Variants in NME9 observed in about 807,000 individuals in gnomAD.
NME9 encodes the protein NME/NM23 family member 9.
A neutral mutation model predicts 44.4 loss-of-function variants in NME9; 48 were observed. The ratio of observed to expected loss-of-function variants is 1.08; its 90% CI spans 0.86 to 1.37. The LOEUF (loss-of-function observed/expected upper bound fraction) is 1.37. Among genes scored for constraint, NME9 ranks in the 40% most tolerant of loss-of-function variants. The probability of loss-of-function intolerance (pLI) is 0.00; values close to 1 mark genes in which losing one functional copy is unlikely to be tolerated. For missense variants in NME9, 325 were observed against 405.2 expected (o/e 0.80, Z 1.70); for synonymous variants, 139 against 147.1 (o/e 0.94, Z 0.40).
At chr3:138,298,102 G>A (rs1055264046), downstream of NME9, 2 of 152,360 alleles carry the variant, frequency 1.3e-5, no homozygotes, top group East Asian at 3.9e-4. Context: ...TTATGCAGGT[G>A]CAGTGTTCAG....
At chr3:138,273,219 A>C (rs2108307047) in intron 8 of NME9, 2 of 1,197,762 alleles carry the variant, frequency 1.7e-6, no homozygotes, top group Admixed American at 2.5e-5. Context: ...CATGAGTGTG[A>C]TTCAAATGCT....
chr3:138,292,613 G>A (rs1158485831), intron 8 of NME9, among the ~76,000 whole-genome samples: 1 of 152,176 alleles, frequency 6.6e-6, no homozygotes, highest in African/African-American at 2.4e-5. Context: ...GACAGAGGGT[G>A]TTGCCATATA....
At chr3:138,265,347 A>G (rs1466640143) in intron 8 of NME9, among the ~76,000 whole-genome samples, 5 of 152,212 alleles carry the variant, frequency 3.3e-5, no homozygotes, top group African/African-American at 9.6e-5. Context: ...CCCCTGATAC[A>G]CTACAAAACT....
chr3:138,285,241 C>T (rs2050296356), intron 8 of NME9, among the ~76,000 whole-genome samples: 1 of 152,184 alleles, frequency 6.6e-6, no homozygotes, highest in Admixed American at 6.5e-5. Context: ...ATTCTTTAGA[C>T]CTCACCTCTT....
intron 1 of NME9, 146 bp downstream of exon 1, chr3:138,329,157 G>A: frequency 1.4e-6 from 1 of 695,124 alleles, no homozygotes. Context: ...CCTTTAAGAC[G>A]GAAGGGTACA....
At chr3:138,315,679 G>T in intron 4 of NME9, 36 bp from the exon 5 acceptor site, 1 of 1,440,572 alleles carries the variant, frequency 6.9e-7, no homozygotes, top group Non-Finnish European at 9.4e-7. Flanking sequence ...AATACTCTTG[G>T]CAAATATTAA....
intron 8 of NME9, among the ~76,000 whole-genome samples, chr3:138,305,238 G>C (rs1031469049): frequency 9.9e-5 from 15 of 152,128 alleles, no homozygotes; most frequent in African/African-American, 3.6e-4. Context: ...TGGTAGTGAT[G>C]ACCTACCACA....
chr3:138,298,665 C>A (rs911135488), downstream of NME9, among the ~76,000 whole-genome samples: 2 of 152,156 alleles, frequency 1.3e-5, no homozygotes, highest in African/African-American at 2.4e-5. Flanking sequence ...ATGTCCACCC[C>A]CTCCATCCTC....
intron 8 of NME9, chr3:138,274,418 T>C (rs2049080536): frequency 7.0e-7 from 1 of 1,433,304 alleles, no homozygotes. Context: ...TTTGTTTCTT[T>C]GATAATTATG....
chr3:138,322,014 G>A lies in NME9; in HGVS notation c.92-2433C>T, dbSNP rs142020945. ...GGGATTTGGGTTCCACAGCATCCAC[G>A]TAGAGGATAAAGTTCTGGGCTTTTC... On this transcript the variant is annotated intron_variant, in intron 2 of 10. Transcript: ENST00000333911. Among the ~76,000 whole-genome samples, 227 of 152,028 alleles carry A rather than the reference G, an allele frequency of 1.5e-3. 1 individual carries two copies. Among genetic ancestry groups the A allele is most frequent in the African/African-American group, 5.1e-3 (210 of 41,462 alleles).
intron 8 of NME9, among the ~76,000 whole-genome samples, chr3:138,276,329 C>T (rs140090439): frequency 1.1e-4 from 16 of 152,288 alleles, no homozygotes; most frequent in Non-Finnish European, 1.8e-4. Flanking sequence ...TCAGTTTTGA[C>T]ACGTGCATCC....
In NME9 at chr3:138,318,112, A is replaced by G. The variant is rs1433833122; in HGVS notation, c.267+36T>C. The G allele has an allele frequency of 4.7e-6, 6 of 1,284,126 alleles. No homozygotes were observed. The Admixed American group carries it at 6.7e-5, about 14-fold the overall frequency. The allele number at this position is 1,284,126 out of a possible 1,614,324, so 79.5% of individuals were successfully genotyped here. A position where few individuals can be genotyped will look rare whatever the true frequency, so the allele number is the denominator to read the frequency against. ...CTATTTTGAACTCTAATGATTTGCA[A>G]TCGTCAAATAGTTCTGATTCTGAAA... On this transcript the variant is annotated intron_variant, in intron 4 of 10. Transcript: ENST00000333911.
chr3:138,265,888 A>G (rs895076323), intron 8 of NME9, among the ~76,000 whole-genome samples: 3 of 152,174 alleles, frequency 2.0e-5, no homozygotes, highest in Non-Finnish European at 4.4e-5. Context: ...GTCCTGGAAT[A>G]AAGCAGTAGG....
chr3:138,285,903 C>T (rs1261443363), intron 8 of NME9, among the ~76,000 whole-genome samples: 1 of 152,074 alleles, frequency 6.6e-6, no homozygotes, highest in Non-Finnish European at 1.5e-5. Flanking sequence ...CTTCTCATAC[C>T]CATCGAGACA....
chr3:138,302,742 C>T (rs2051934298), intron 10 of NME9, among the ~76,000 whole-genome samples: 1 of 152,200 alleles, frequency 6.6e-6, no homozygotes, highest in Non-Finnish European at 1.5e-5. Flanking sequence ...GATTAAAACC[C>T]AAACATTTAG....
chr3:138,314,794 T>C (rs2052955657), intron 5 of NME9, among the ~76,000 whole-genome samples: 2 of 152,228 alleles, frequency 1.3e-5, no homozygotes, highest in Non-Finnish European at 2.9e-5. Context: ...TGCAGTTTTC[T>C]TTTGTGAGGG....
intron 10 of NME9, among the ~76,000 whole-genome samples, chr3:138,302,050 C>T (rs2051885819): frequency 6.6e-6 from 1 of 152,122 alleles, no homozygotes; most frequent in Non-Finnish European, 1.5e-5. Flanking sequence ...ATGTAAGTAA[C>T]TTTTCAGAGG....
At chr3:138,264,083 G>C in intron 8 of NME9, 7 of 1,544,944 alleles carry the variant, frequency 4.5e-6, no homozygotes, top group Non-Finnish European at 6.3e-6. Context: ...TGTTTGAAAA[G>C]TAAAAGTTTT....
In NME9 at chr3:138,329,513, A is replaced by G. The variant is rs1259962584; in HGVS notation, c.-178T>C. The G allele has an allele frequency of 3.6e-6, 5 of 1,402,202 alleles. No individual in the cohort carries two copies. In the South Asian group the frequency reaches 7.9e-5, roughly 22 times the overall value. The allele number at this position is 1,402,202 out of a possible 1,614,324, so 86.9% of individuals were successfully genotyped here. On this transcript the variant is annotated 5_prime_UTR_variant, in exon 1 of 11. Coordinates refer to ENST00000333911, the MANE Select transcript of NME9 (RefSeq NM_001349018.2). ...ACTGGCGGCAAATCAGCACACTGAT[A>G]CAAAGTGAACACCCCGCGAGGAAGC...
Sources: gnomAD v4.1 joint callset for allele counts (sites outside exome capture counted in the v4.1 genomes callset) on GRCh38, gnomAD v4.1.1 for gene constraint, MANE v1.5 for transcripts, NCBI Gene and HGNC (gene_info 2026-07-23, HGNC 2026-07-21) for gene names.